Variants in ITGAX observed in about 807,000 individuals in gnomAD.
ITGAX encodes integrin alpha-X.
In ITGAX, 99 loss-of-function variants were observed where a neutral mutation model predicts 140.2. That is an observed-to-expected ratio of 0.71 (90% CI 0.60 to 0.83). The LOEUF (loss-of-function observed/expected upper bound fraction) is 0.83, where lower values mean the gene tolerates loss of function less well. ITGAX is among the 40% of genes least tolerant of loss of function. ITGAX has a pLI of 0.00. For missense variants in ITGAX, 1,444 were observed against 1,482.0 expected (o/e 0.97, Z 0.42); for synonymous variants, 631 against 600.4 (o/e 1.05, Z -0.75).
At position 31,361,474 on chromosome 16, in the gene ITGAX, C is replaced by T. The variant is rs1403467670; in HGVS notation, c.1012+261C>T. 11 of 668,800 alleles carry T rather than the reference C, an allele frequency of 1.6e-5. No individual in the cohort carries two copies. The Admixed American group carries it at 2.7e-4, about 16-fold the overall frequency. 41.4% of individuals were successfully genotyped at this position (668,800 alleles called of 1,614,324 possible). A position where few individuals can be genotyped will look rare whatever the true frequency, so the allele number is the denominator to read the frequency against. ...ACCGGCTCCACTGCAGAACAAAAAG[C>T]AGTGCCAGGCCCAACCCAGGAGACC... On this transcript the variant is annotated intron_variant, in intron 9 of 29. Transcript: ENST00000268296.
At chr16:31,377,308 G>T in intron 23 of ITGAX, 43 bp downstream of exon 23, 12 of 1,328,792 alleles carry the variant, frequency 9.0e-6, no homozygotes, top group African/African-American at 4.0e-5. Context: ...TCTTCTCTCT[G>T]ACCTCAAAAA....
At chr16:31,372,915 A>AAACAACAACAACAACAACAAC (rs58659724) in intron 19 of ITGAX, among the ~76,000 whole-genome samples, 60 of 149,650 alleles carry the variant, frequency 4.0e-4, no homozygotes, top group Non-Finnish European at 6.4e-4. Context: ...CACAAAAACA[A>AAACAACAACAACAACAACAAC]AACAACAACA....
In ITGAX at chr16:31,380,996, G is replaced by C; in HGVS notation, c.3376G>C (p.Val1126Leu). The change falls in exon 29 of 30, where the codon GTA (valine) becomes CTA (leucine). Residue 1126 changes from valine (V) to leucine (L), a missense_variant. Val to Leu is a conservative substitution (Grantham distance 32). Coordinates refer to ENST00000268296, the MANE Select transcript of ITGAX (RefSeq NM_000887.5). Reference sequence around the variant, plus strand: ...GTTGCTGCTGGCACTCATCACAGCGGTACTGTACAAAGTGAGTGTTTTATG... The same window carrying C: ...GTTGCTGCTGGCACTCATCACAGCGCTACTGTACAAAGTGAGTGTTTTATG... ...GLLLLALITA[V>L]LYKVGFFKRQ... is the part of the protein sequence containing the mutation. 1 of 1,613,274 alleles carries C rather than the reference G, an allele frequency of 6.2e-7. No homozygotes were observed. The highest frequency in any genetic ancestry group is 8.5e-7 in the Non-Finnish European group (1 of 1,179,226).
Position 31,371,102 on chromosome 16 carries a change from C to T in ITGAX, c.1729C>T (p.Leu577Phe), listed in dbSNP as rs2080951788. ...TGGCCAGCGGATCGCGGGCTCCCAG[C>T]TCTCCTCCAGGCTGCAGTATTTTGG... ...SHSQRIAGSQ[L>F]SSRLQYFGQA... The change falls in exon 15 of 30, where the codon CTC becomes TTC. Residue 577 changes from leucine to phenylalanine, a missense_variant. By Grantham distance (22) the Leu-to-Phe change is conservative. Coordinates refer to ENST00000268296, the MANE Select transcript of ITGAX (RefSeq NM_000887.5). 6.2e-7 allele frequency: 1 copy of T among 1,614,104 alleles called. No individual in the cohort carries two copies. The highest frequency in any genetic ancestry group is 8.5e-7 in the Non-Finnish European group (1 of 1,180,036).
intron 11 of ITGAX, 51 bp from the exon 12 acceptor site, chr16:31,362,560 G>A: frequency 6.4e-7 from 1 of 1,564,090 alleles, no homozygotes. Context: ...GGGGTCCAGG[G>A]TTCTGGGGAG....
chr16:31,375,342 G>T (rs572969767), intron 20 of ITGAX, among the ~76,000 whole-genome samples: 107 of 152,330 alleles, frequency 7.0e-4, no homozygotes, highest in African/African-American at 2.5e-3. Flanking sequence ...ATTAAAGGAT[G>T]AGTTTGGCCC....
In ITGAX at chr16:31,379,555, C is replaced by T; in HGVS notation, c.2790-13C>T. ...TGGTAGTTCACATCCACTTATGCGT[C>T]TTCTCTCTCCAGCCACGAACAATTC... On this transcript the variant is annotated splice_polypyrimidine_tract_variant and intron_variant, in intron 23 of 29. Coordinates refer to ENST00000268296, the MANE Select transcript of ITGAX (RefSeq NM_000887.5). 1.3e-6 allele frequency: 2 copies of T among 1,556,514 alleles called. No individual in the cohort carries two copies. The highest frequency in any genetic ancestry group is 1.7e-6 in the Non-Finnish European group (2 of 1,148,962).
chr16:31,360,670 C>A, intron 8 of ITGAX: 1 of 567,274 alleles, frequency 1.8e-6, no homozygotes, highest in Non-Finnish European at 3.1e-6. Context: ...CAGGTGTGTG[C>A]CATCAAGCCT....
intron 10 of ITGAX, 24 bp from the exon 11 acceptor site, chr16:31,362,051 A>T: frequency 1.9e-6 from 3 of 1,613,870 alleles, no homozygotes; most frequent in East Asian, 4.5e-5. Context: ...GCCTCTGCTC[A>T]GCCCTGGAAT....
At chr16:31,378,815 T>C (rs1597083753) in intron 23 of ITGAX, among the ~76,000 whole-genome samples, 1 of 103,378 alleles carries the variant, frequency 9.7e-6, no homozygotes, top group African/African-American at 4.7e-5. Flanking sequence ...CTAGACTCTC[T>C]CTCTTTTTTT....
intron 12 of ITGAX, 66 bp downstream of exon 12, chr16:31,362,819 A>G: frequency 6.2e-7 from 1 of 1,607,960 alleles, no homozygotes; most frequent in Non-Finnish European, 8.5e-7. Flanking sequence ...AGAGGAGAGG[A>G]TGGAGGGGCT....
Position 31,379,882 on chromosome 16 carries a change from G to A in ITGAX, c.2976+18G>A, listed in dbSNP as rs765914132. The A allele has an allele frequency of 6.2e-7, 1 of 1,612,592 alleles. No individual in the cohort carries two copies. The highest frequency in any genetic ancestry group is 8.5e-7 in the Non-Finnish European group (1 of 1,178,682). On this transcript the variant is annotated intron_variant, in intron 25 of 29. Coordinates refer to ENST00000268296, the MANE Select transcript of ITGAX (RefSeq NM_000887.5). ...ACCCCCAGGTACCCAAGGACTGCAT[G>A]TGGCTCCTCCACGAATGCCCTTTCT...
chr16:31,360,934 T>C, intron 8 of ITGAX, 129 bp from the exon 9 acceptor site: 1 of 867,664 alleles, frequency 1.2e-6, no homozygotes, highest in Non-Finnish European at 1.8e-6. Flanking sequence ...TGTCCGGGCT[T>C]CGTGTTTCTC....
Position 31,372,371 on chromosome 16 carries a change from C to T in ITGAX, c.2161-7C>T, listed in dbSNP as rs746881069. On this transcript the variant is annotated splice_region_variant and splice_polypyrimidine_tract_variant and intron_variant, in intron 17 of 29. Transcript: ENST00000268296. Reference sequence around the variant, plus strand: ...ACCCTCCGCTCCCCGCGACGCCCGTCCCCCAGAGCTGCGTGGAGGACTCTG... The same window carrying T: ...ACCCTCCGCTCCCCGCGACGCCCGTTCCCCAGAGCTGCGTGGAGGACTCTG... 7 of 1,592,634 alleles carry T rather than the reference C, an allele frequency of 4.4e-6. No individual in the cohort carries two copies. Among genetic ancestry groups the T allele is most frequent in the South Asian group, 1.1e-5 (1 of 88,088 alleles).
chr16:31,364,048 G>A (rs868490457), intron 14 of ITGAX, among the ~76,000 whole-genome samples: 1 of 149,646 alleles, frequency 6.7e-6, no homozygotes, highest in African/African-American at 2.6e-5. Context: ...CCCTGCAGCC[G>A]CCCTCCACCC....
Position 31,371,455 on chromosome 16 carries a change from T to C in ITGAX, c.1963T>C (p.Cys655Arg), listed in dbSNP as rs758044801. Residue 655 changes from cysteine (C) to arginine (R), a missense_variant, in exon 16 of 30, where the codon TGC becomes CGC. By Grantham distance (180) the Cys-to-Arg change is radical (BLOSUM62 -3). Transcript: ENST00000268296. The stretch of plus-strand genomic sequence containing the variant: ...GCAGACCCTGGTACAGTCCAACATC[T>C]GCCTTTACATTGACAAACGTTCTAA... ...SEQTLVQSNI[C>R]LYIDKRSKNL... The C allele has an allele frequency of 6.2e-7, 1 of 1,614,156 alleles. No individual in the cohort carries two copies. Among genetic ancestry groups the C allele is most frequent in the Non-Finnish European group, 8.5e-7 (1 of 1,180,014 alleles).
At chr16:31,362,235 G>T in intron 11 of ITGAX, 31 bp downstream of exon 11, 2 of 1,613,308 alleles carry the variant, frequency 1.2e-6, no homozygotes, top group South Asian at 1.1e-5. Context: ...GGGGACAGGT[G>T]GGAGATGCAC....
chr16:31,371,795 G>A lies in ITGAX; in HGVS notation c.2160+11G>A, dbSNP rs1375867937. ...AACCTGCTGCTCCCGGTGCGTCTGGGCATGAACGTGGGTGGCGGCCGCGCT... is the reference window on the plus strand; with the variant it reads ...AACCTGCTGCTCCCGGTGCGTCTGGACATGAACGTGGGTGGCGGCCGCGCT... On this transcript the variant is annotated intron_variant, in intron 17 of 29. Coordinates refer to ENST00000268296, the MANE Select transcript of ITGAX (RefSeq NM_000887.5). 2.5e-6 allele frequency: 4 copies of A among 1,612,992 alleles called. No homozygotes were observed. In the East Asian group the frequency reaches 8.9e-5, roughly 36 times the overall value.
intron 23 of ITGAX, among the ~76,000 whole-genome samples, chr16:31,377,746 C>A (rs1372780271): frequency 6.6e-6 from 1 of 152,030 alleles, no homozygotes; most frequent in African/African-American, 2.4e-5. Context: ...CACAGCTTGG[C>A]CACACATGGC....
Sources: gnomAD v4.1 joint callset for allele counts (sites outside exome capture counted in the v4.1 genomes callset) on GRCh38, gnomAD v4.1.1 for gene constraint, MANE v1.5 for transcripts, NCBI Gene and HGNC (gene_info 2026-07-23, HGNC 2026-07-21) for gene names.